CRTAC1: variants seen among roughly 807,000 people sequenced by gnomAD.
CRTAC1 encodes the protein acidic secreted protein in cartilage.
In CRTAC1, 37 loss-of-function variants were observed where a neutral mutation model predicts 67.8. The ratio of observed to expected loss-of-function variants is 0.55; its 90% CI spans 0.42 to 0.72. The LOEUF (loss-of-function observed/expected upper bound fraction) is 0.72, where lower values mean the gene tolerates loss of function less well. Ranked by LOEUF, CRTAC1 falls within the 30% of genes least tolerant of loss-of-function variation. The pLI is 0.00. For synonymous variants in CRTAC1, 348 were observed against 371.0 expected (o/e 0.94, Z 0.71); for missense variants, 780 against 931.6 (o/e 0.84, Z 2.12).
intron 1 of CRTAC1, among the ~76,000 whole-genome samples, chr10:98,020,466 G>C (rs1348020403): frequency 6.6e-6 from 1 of 152,220 alleles, no homozygotes; most frequent in Non-Finnish European, 1.5e-5. Flanking sequence ...ACTTGCCCAA[G>C]GTCACACAGC....
At chr10:97,963,286 G>T (rs2051557774) in intron 2 of CRTAC1, among the ~76,000 whole-genome samples, 1 of 152,056 alleles carries the variant, frequency 6.6e-6, no homozygotes, top group Admixed American at 6.5e-5. Flanking sequence ...TCAAAGTGTG[G>T]TCTCTGACCA....
At chr10:97,884,071 T>C in intron 12 of CRTAC1, 135 bp downstream of exon 12, 5 of 976,220 alleles carry the variant, frequency 5.1e-6, no homozygotes, top group Non-Finnish European at 7.5e-6. Flanking sequence ...GGGATCAGTA[T>C]GAAGCCTTCG....
chr10:97,937,732 C>T (rs1163995641), intron 2 of CRTAC1, among the ~76,000 whole-genome samples: 2 of 152,096 alleles, frequency 1.3e-5, no homozygotes, highest in African/African-American at 4.8e-5. Context: ...AAGGTCACAC[C>T]CCAGGCAGCA....
chr10:97,949,920 T>C (rs1214522362), intron 2 of CRTAC1, among the ~76,000 whole-genome samples: 1 of 152,230 alleles, frequency 6.6e-6, no homozygotes, highest in African/African-American at 2.4e-5. Context: ...CACTGGTTAA[T>C]ATGTCTGTCT....
At chr10:98,000,123 C>T (rs1336059790) in intron 2 of CRTAC1, among the ~76,000 whole-genome samples, 1 of 152,208 alleles carries the variant, frequency 6.6e-6, no homozygotes, top group Non-Finnish European at 1.5e-5. Flanking sequence ...ACTTGTCTGA[C>T]TACCTCATTC....
intron 2 of CRTAC1, among the ~76,000 whole-genome samples, chr10:98,004,500 G>T (rs900395569): frequency 6.6e-6 from 1 of 152,164 alleles, no homozygotes; most frequent in African/African-American, 2.4e-5. Context: ...TAGATTGGAA[G>T]CAATTTGGTG....
chr10:97,919,043 C>T (rs2050800552), intron 4 of CRTAC1, among the ~76,000 whole-genome samples: 1 of 151,082 alleles, frequency 6.6e-6, no homozygotes, highest in Non-Finnish European at 1.5e-5. Context: ...CCCCCCCCGC[C>T]TCAGCCTCCC....
At chr10:97,891,990 C>T (rs1197809575) in intron 11 of CRTAC1, among the ~76,000 whole-genome samples, 1 of 152,172 alleles carries the variant, frequency 6.6e-6, no homozygotes, top group Non-Finnish European at 1.5e-5. Context: ...CCGGGAGGCC[C>T]CTTAGAGCAG....
intron 8 of CRTAC1, among the ~76,000 whole-genome samples, chr10:97,899,212 CA>C (rs1362194585): frequency 5.3e-5 from 8 of 152,350 alleles, no homozygotes; most frequent in Non-Finnish European, 1.0e-4. Context: ...GCTGCGTGCT[CA>C]GGACCCAGCC....
chr10:97,914,816 G>A (rs1275707685), intron 5 of CRTAC1, among the ~76,000 whole-genome samples: 1 of 152,180 alleles, frequency 6.6e-6, no homozygotes, highest in Non-Finnish European at 1.5e-5. Flanking sequence ...GGGAAGTTGG[G>A]GACCAGGGGA....
intron 2 of CRTAC1, among the ~76,000 whole-genome samples, chr10:97,974,468 C>T (rs1010392744): frequency 6.6e-6 from 1 of 152,234 alleles, no homozygotes; most frequent in Non-Finnish European, 1.5e-5. Context: ...CCGCGTAGAG[C>T]GTCTGAATAG....
intron 3 of CRTAC1, among the ~76,000 whole-genome samples, chr10:97,930,480 T>G (rs2050987490): frequency 6.6e-6 from 1 of 152,210 alleles, no homozygotes; most frequent in African/African-American, 2.4e-5. Flanking sequence ...CAGACTTTGC[T>G]GGGTTCAGGA....
intron 1 of CRTAC1, among the ~76,000 whole-genome samples, chr10:98,021,472 T>C (rs1843120121): frequency 6.6e-6 from 1 of 152,088 alleles, no homozygotes. Context: ...AGAGGACAAA[T>C]GGAATCTCCT....
intron 2 of CRTAC1, among the ~76,000 whole-genome samples, chr10:97,972,359 G>A (rs1323146793): frequency 6.6e-6 from 1 of 152,132 alleles, no homozygotes; most frequent in African/African-American, 2.4e-5. Context: ...GTCACTTCAA[G>A]TTCACAGGCA....
At chr10:97,930,138 G>T (rs1334132135) in intron 3 of CRTAC1, among the ~76,000 whole-genome samples, 1 of 152,194 alleles carries the variant, frequency 6.6e-6, no homozygotes, top group African/African-American at 2.4e-5. Flanking sequence ...AGAAACAGGG[G>T]CTCAGAGGCT....
At chr10:97,909,112 A>G (rs1298759044) in intron 5 of CRTAC1, among the ~76,000 whole-genome samples, 2 of 152,234 alleles carry the variant, frequency 1.3e-5, no homozygotes, top group African/African-American at 4.8e-5. Flanking sequence ...AAAGAAATCA[A>G]GCCAGCTCCA....
intron 14 of CRTAC1, among the ~76,000 whole-genome samples, chr10:97,873,283 G>A (rs1365161920): frequency 1.3e-5 from 2 of 152,190 alleles, no homozygotes; most frequent in African/African-American, 4.8e-5. Flanking sequence ...TAGGATTTGT[G>A]CACAGCTCTA....
chr10:97,879,770 TGAA>T, intron 14 of CRTAC1: 1 of 1,539,314 alleles, frequency 6.5e-7, no homozygotes, highest in Non-Finnish European at 8.7e-7. Flanking sequence ...TAGAGGCGGC[TGAA>T]GAATACCCAC....
At chr10:97,969,462 C>T (rs529779940) in intron 2 of CRTAC1, among the ~76,000 whole-genome samples, 1 of 152,182 alleles carries the variant, frequency 6.6e-6, no homozygotes, top group Non-Finnish European at 1.5e-5. Context: ...TCCTCTCTTT[C>T]TCCCAAGTCT....
Sources: allele counts gnomAD v4.1 joint callset (sites outside exome capture counted in the v4.1 genomes callset), GRCh38; gene constraint gnomAD v4.1.1; transcripts MANE v1.5; gene names NCBI Gene and HGNC (gene_info 2026-07-23, HGNC 2026-07-21).